Variants in SGPP2 observed in about 807,000 individuals in gnomAD.
SGPP2 encodes the protein sphingosine-1-phosphate phosphatase 2.
In SGPP2, 30 loss-of-function variants were observed where a neutral mutation model predicts 33.9. The ratio of observed to expected loss-of-function variants is 0.89; its 90% CI spans 0.66 to 1.20. The LOEUF (loss-of-function observed/expected upper bound fraction) is 1.20, where lower values mean the gene tolerates loss of function less well. SGPP2 is among the 50% of genes most tolerant of loss of function. The pLI is 0.00. For synonymous variants in SGPP2, 233 were observed against 225.0 expected, an observed-to-expected ratio of 1.04 and a Z score of -0.32; for missense variants, 458 against 532.1, an observed-to-expected ratio of 0.86 and a Z score of 1.37.
chr2:222,535,758 A>G (rs1698905389), intron 4 of SGPP2, among the ~76,000 whole-genome samples: 1 of 152,230 alleles, frequency 6.6e-6, no homozygotes, highest in African/African-American at 2.4e-5. Context: ...TTAACTGACA[A>G]TTAGCCTGAC....
chr2:222,466,412 C>A (rs187194255), intron 1 of SGPP2, among the ~76,000 whole-genome samples: 1 of 152,046 alleles, frequency 6.6e-6, no homozygotes, highest in Non-Finnish European at 1.5e-5. Flanking sequence ...GCGCATGCCA[C>A]CATGCCTGGC....
chr2:222,486,346 T>A (rs1403974020), intron 2 of SGPP2, among the ~76,000 whole-genome samples: 1 of 152,190 alleles, frequency 6.6e-6, no homozygotes, highest in African/African-American at 2.4e-5. Flanking sequence ...TACCCTTCTT[T>A]TTATTATTAT....
rs555418740 is a variant in SGPP2 at position 222,552,747 on chromosome 2, C to G, written c.649-5600C>G. 2.6e-5 allele frequency among the ~76,000 whole-genome samples: 4 copies of G among 152,236 alleles called. No homozygotes were observed. The East Asian group carries it at 7.7e-4, about 29-fold the overall frequency. On this transcript the variant is annotated intron_variant, in intron 4 of 4. Transcript: ENST00000321276. Reference sequence around the variant, plus strand: ...TGGTGGTGCATGCCTGAAATCCCAGCTACTCAGGAGGCTGAGGCAGGAGAA... The same window carrying G: ...TGGTGGTGCATGCCTGAAATCCCAGGTACTCAGGAGGCTGAGGCAGGAGAA...
intron 1 of SGPP2, among the ~76,000 whole-genome samples, chr2:222,450,565 G>T (rs955140229): frequency 6.6e-6 from 1 of 152,192 alleles, no homozygotes; most frequent in Non-Finnish European, 1.5e-5. Flanking sequence ...AGTAAGATGG[G>T]TTTCATCCAG....
chr2:222,427,962 A>G (rs1697097062), intron 1 of SGPP2, among the ~76,000 whole-genome samples: 1 of 152,230 alleles, frequency 6.6e-6, no homozygotes, highest in South Asian at 2.1e-4. Context: ...CCCAGTAGTC[A>G]TGAATTTCAC....
At position 222,558,713 on chromosome 2, in the gene SGPP2, C is replaced by T. The variant is rs371268936; in HGVS notation, c.1015C>T (p.Arg339Cys). 8.9e-5 allele frequency: 143 copies of T among 1,613,958 alleles called. No individual in the cohort carries two copies. The highest frequency in any genetic ancestry group is 1.2e-4 in the Non-Finnish European group (138 of 1,180,016). ...GGGAATTGTGTTGATCCTCTTGGTT[C>T]GTCAGCTTGTACAAAATCTCTCACT... ...AVGIVLILLV[R>C]QLVQNLSLQV... The change falls in exon 5 of 5, where the codon CGT becomes TGT. Residue 339 changes from arginine to cysteine, a missense_variant. Transcript: ENST00000321276.
At chr2:222,467,885 G>A (rs1394497049) in intron 1 of SGPP2, among the ~76,000 whole-genome samples, 1 of 128,898 alleles carries the variant, frequency 7.8e-6, no homozygotes, top group Non-Finnish European at 1.6e-5. Context: ...TCCTGGCTCT[G>A]TTGAAGTGGT....
At chr2:222,556,300 C>T (rs187353777) in intron 4 of SGPP2, among the ~76,000 whole-genome samples, 3 of 151,998 alleles carry the variant, frequency 2.0e-5, no homozygotes, top group Non-Finnish European at 4.4e-5. Flanking sequence ...GAAAAGAAAC[C>T]ACAGGGAGGG....
intron 1 of SGPP2, among the ~76,000 whole-genome samples, chr2:222,446,678 C>T (rs368929268): frequency 3.9e-5 from 6 of 152,330 alleles, no homozygotes; most frequent in Admixed American, 3.3e-4. Flanking sequence ...CAATTAAGAT[C>T]CTTTCCATTT....
intron 1 of SGPP2, among the ~76,000 whole-genome samples, chr2:222,441,705 G>T (rs1185023131): frequency 2.0e-5 from 3 of 151,968 alleles, no homozygotes; most frequent in African/African-American, 7.3e-5. Flanking sequence ...TTTATGTTTA[G>T]AAAAAATTAA....
At chr2:222,453,462 C>G (rs1697524171) in intron 1 of SGPP2, among the ~76,000 whole-genome samples, 1 of 152,144 alleles carries the variant, frequency 6.6e-6, no homozygotes. Context: ...CAGGAGGCAA[C>G]CAGCTCAGCC....
Position 222,487,094 on chromosome 2 carries a change from C to T in SGPP2, c.378+12368C>T, listed in dbSNP as rs79953864. Among the ~76,000 whole-genome samples the T allele has an allele frequency of 9.4e-3, 1,436 of 152,172 alleles. 17 individuals carry two copies. Among genetic ancestry groups the T allele is most frequent in the Middle Eastern group, 0.051 (15 of 294 alleles). The stretch of plus-strand genomic sequence containing the variant: ...ATACGATTAGAAATGACTTATAACT[C>T]ATGATGAATGTGTGAGAAACGGGAT... On this transcript the variant is annotated intron_variant, in intron 2 of 4. Transcript: ENST00000321276.
At chr2:222,521,197 G>A (rs1429181971) in intron 2 of SGPP2, among the ~76,000 whole-genome samples, 2 of 152,190 alleles carry the variant, frequency 1.3e-5, no homozygotes, top group African/African-American at 4.8e-5. Flanking sequence ...CTAGCTGTTC[G>A]AGTAAGAACA....
chr2:222,444,819 G>T (rs551262665), intron 1 of SGPP2, among the ~76,000 whole-genome samples: 2 of 152,192 alleles, frequency 1.3e-5, no homozygotes, highest in East Asian at 3.8e-4. Flanking sequence ...TGCAGCTTTG[G>T]GGGAAAAAAT....
At chr2:222,452,686 TGCTGCA>T in intron 1 of SGPP2, 2 of 1,370,982 alleles carry the variant, frequency 1.5e-6, no homozygotes, top group Non-Finnish European at 2.1e-6. Context: ...AGGCTGTGGT[TGCTGCA>T]GCTTGAATTG....
At chr2:222,438,001 G>T (rs1697270584) in intron 1 of SGPP2, among the ~76,000 whole-genome samples, 1 of 152,202 alleles carries the variant, frequency 6.6e-6, no homozygotes, top group African/African-American at 2.4e-5. Flanking sequence ...ACAGCAGCCT[G>T]GACCTGTTGC....
At chr2:222,439,227 G>A (rs1159047901) in intron 1 of SGPP2, among the ~76,000 whole-genome samples, 3 of 152,138 alleles carry the variant, frequency 2.0e-5, no homozygotes, top group African/African-American at 7.2e-5. Context: ...GGGAAGGATG[G>A]GAGAAAGATT....
At chr2:222,537,304 T>A (rs1362999428) in intron 4 of SGPP2, among the ~76,000 whole-genome samples, 1 of 152,170 alleles carries the variant, frequency 6.6e-6, no homozygotes. Flanking sequence ...AATCTCTGCC[T>A]ATAAAAAAAT....
intron 2 of SGPP2, among the ~76,000 whole-genome samples, chr2:222,497,943 C>T (rs1698306819): frequency 6.6e-6 from 1 of 151,984 alleles, no homozygotes. Flanking sequence ...GGAGAGAGTC[C>T]CAGGCCAAGA....
Sources: allele counts gnomAD v4.1 joint callset (sites outside exome capture counted in the v4.1 genomes callset), GRCh38; gene constraint gnomAD v4.1.1; transcripts MANE v1.5; gene names NCBI Gene and HGNC (gene_info 2026-07-23, HGNC 2026-07-21).